The following C18orf63 variants were observed in gnomAD, a reference collection of about 807,000 sequenced individuals.
C18orf63 encodes the protein chromosome 18 open reading frame 63, also known as uncharacterized protein C18orf63.
A neutral mutation model predicts 75.3 loss-of-function variants in C18orf63; 50 were observed. That is an observed-to-expected ratio of 0.66 (90% CI 0.53 to 0.84). C18orf63 has a LOEUF of 0.84. Ranked by LOEUF, C18orf63 falls within the 40% of genes least tolerant of loss-of-function variation. The pLI is 0.00. For missense variants in C18orf63, 732 were observed against 800.2 expected (o/e 0.91, Z 1.03); for synonymous variants, 232 against 267.6 (o/e 0.87, Z 1.30).
Position 74,318,018 on chromosome 18 carries a change from T to C in C18orf63, c.134+19T>C, listed in dbSNP as rs1177723363. 1 of 1,436,214 alleles carries C rather than the reference T, an allele frequency of 7.0e-7. No individual in the cohort carries two copies. The highest frequency in any genetic ancestry group is 9.2e-7 in the Non-Finnish European group (1 of 1,091,112). The allele number at this position is 1,436,214 out of a possible 1,614,324, so 89.0% of individuals were successfully genotyped here. On this transcript the variant is annotated intron_variant, in intron 2 of 13. Coordinates refer to ENST00000579455, the MANE Select transcript of C18orf63 (RefSeq NM_001174123.2). ...TGTGCAGGTAAAAAAATACATCTTA[T>C]AACTAAGACTTTTAAAACTTTGAGA... is the stretch of plus-strand genomic sequence containing the variant.
Position 74,354,036 on chromosome 18 carries a change from T to G in C18orf63, c.1769T>G (p.Leu590Arg), listed in dbSNP as rs1378639974. Reference sequence around the variant, plus strand: ...GGGAAAAGCCATGGGTCACTAAAACTGAAAAGACAGCCACACATTTTTGAA... The same window carrying G: ...GGGAAAAGCCATGGGTCACTAAAACGGAAAAGACAGCCACACATTTTTGAA... ...ILGKSHGSLK[L>R]KRQPHIFESD... Residue 590 changes from leucine (L) to arginine (R), a missense_variant, in exon 12 of 14, where the codon CTG (leucine) becomes CGG (arginine). Coordinates refer to ENST00000579455, the MANE Select transcript of C18orf63 (RefSeq NM_001174123.2). The G allele has an allele frequency of 3.3e-6, 5 of 1,536,318 alleles. No individual in the cohort carries two copies. In the Admixed American group the frequency reaches 9.8e-5, roughly 30 times the overall value.
chr18:74,336,856 C>A (rs1984399980), intron 7 of C18orf63, among the ~76,000 whole-genome samples: 1 of 152,046 alleles, frequency 6.6e-6, no homozygotes, highest in South Asian at 2.1e-4. Context: ...TTATCCTTGG[C>A]TTTCCCTCTT....
chr18:74,329,085 T>C, intron 6 of C18orf63, 49 bp downstream of exon 6: 1 of 1,215,220 alleles, frequency 8.2e-7, no homozygotes, highest in Non-Finnish European at 1.2e-6. Flanking sequence ...AATTCATAGT[T>C]GCTAAAGAAA....
intron 5 of C18orf63, among the ~76,000 whole-genome samples, chr18:74,328,569 T>A (rs1005354041): frequency 7.2e-5 from 11 of 152,294 alleles, no homozygotes; most frequent in Middle Eastern, 3.4e-3. Flanking sequence ...CACAACAACA[T>A]AAATGTCATT....
chr18:74,336,564 G>A (rs1984395289), intron 7 of C18orf63, among the ~76,000 whole-genome samples: 1 of 151,750 alleles, frequency 6.6e-6, no homozygotes. Context: ...TGTTTCTTAG[G>A]GTTCCATTTT....
intron 2 of C18orf63, among the ~76,000 whole-genome samples, chr18:74,318,791 G>A (rs2042060): frequency 0.98 from 145,395 of 148,886 alleles, 70,952 homozygotes; most frequent in South Asian, 1. Flanking sequence ...CTCTGTCTCA[G>A]AAAAAAAAAA....
At chr18:74,348,870 G>A (rs1198145663) in intron 11 of C18orf63, among the ~76,000 whole-genome samples, 6 of 152,078 alleles carry the variant, frequency 3.9e-5, no homozygotes, top group Non-Finnish European at 8.8e-5. Flanking sequence ...CTTAAACGTT[G>A]AAAGAATGAG....
intron 11 of C18orf63, among the ~76,000 whole-genome samples, chr18:74,344,331 A>T (rs1346436929): frequency 3.9e-5 from 6 of 152,108 alleles, no homozygotes; most frequent in Admixed American, 3.9e-4. Context: ...GAGGCTGGAA[A>T]CTATTGGGGA....
Position 74,328,044 on chromosome 18 carries a change from A to G in C18orf63, c.368A>G (p.His123Arg). The G allele has an allele frequency of 6.6e-7, 1 of 1,525,988 alleles. No homozygotes were observed. The allele number at this position is 1,525,988 out of a possible 1,614,324, so 94.5% of individuals were successfully genotyped here. A position where few individuals can be genotyped will look rare whatever the true frequency, so the allele number is the denominator to read the frequency against. Residue 123 changes from histidine (H) to arginine (R), a missense_variant, in exon 5 of 14, where the codon CAT (histidine) becomes CGT (arginine). By Grantham distance (29) the His-to-Arg change is conservative. Coordinates refer to ENST00000579455, the MANE Select transcript of C18orf63 (RefSeq NM_001174123.2). ...GCTCCAGCCTGGAATAGAACTGGTC[A>G]TCTCTTGATACAAGGTAACTTTATC... ...RLAPAWNRTG[H>R]LLIQGRDFLS...
chr18:74,321,841 AGTTGATGTTT>A (rs1984128783), intron 3 of C18orf63, among the ~76,000 whole-genome samples: 1 of 151,916 alleles, frequency 6.6e-6, no homozygotes, highest in African/African-American at 2.4e-5. Context: ...AAAAAAAAAA[AGTTGATGTTT>A]AAAAGTAGAA....
Position 74,353,425 on chromosome 18 carries a change from T to C in C18orf63, c.1158T>C (p.His386=). Residue 386 remains histidine (H), a synonymous_variant, in exon 12 of 14, where the codon CAT becomes CAC. Coordinates refer to ENST00000579455, the MANE Select transcript of C18orf63 (RefSeq NM_001174123.2). ...QPTSGIFSAL[H]LQPESVQGRK... ...CATCAGGCATTTTCTCAGCTTTGCA[T>C]CTCCAGCCAGAGTCTGTTCAGGGTA... 1 of 1,536,372 alleles carries C rather than the reference T, an allele frequency of 6.5e-7. No individual in the cohort carries two copies.
chr18:74,329,733 G>C lies in C18orf63; in HGVS notation c.424+697G>C, dbSNP rs181300454. Among the ~76,000 whole-genome samples the C allele has an allele frequency of 1.7e-3, 256 of 151,966 alleles. 2 individuals are homozygous for C. Among genetic ancestry groups the C allele is most frequent in the African/African-American group, 6.0e-3 (249 of 41,438 alleles). On this transcript the variant is annotated intron_variant, in intron 6 of 13. Coordinates refer to ENST00000579455, the MANE Select transcript of C18orf63 (RefSeq NM_001174123.2). ...GATTCATTTTCTCCTTAAAAAATTG[G>C]AAAAAGAGACACAGATGATCTAAAG...
At chr18:74,331,841 T>C (rs2145120879) in intron 7 of C18orf63, among the ~76,000 whole-genome samples, 1 of 152,352 alleles carries the variant, frequency 6.6e-6, no homozygotes, top group East Asian at 1.9e-4. Context: ...TTCATTTATT[T>C]CCATTTAATT....
At chr18:74,356,156 G>C (rs1984760955) in intron 13 of C18orf63, among the ~76,000 whole-genome samples, 1 of 152,146 alleles carries the variant, frequency 6.6e-6, no homozygotes, top group African/African-American at 2.4e-5. Context: ...TGGGGTACAA[G>C]TGCAACTTTG....
chr18:74,354,008 T>C lies in C18orf63; in HGVS notation c.1741T>C (p.Leu581=). ...NLTGKGITQI[L]GKSHGSLKLK... ...AACAGGCAAAGGTATAACACAAATT[T>C]TAGGGAAAAGCCATGGGTCACTAAA... Residue 581 remains leucine (L), a synonymous_variant, in exon 12 of 14, where the codon TTA becomes CTA. Coordinates refer to ENST00000579455, the MANE Select transcript of C18orf63 (RefSeq NM_001174123.2). The C allele has an allele frequency of 6.5e-7, 1 of 1,536,414 alleles. No homozygotes were observed. Among genetic ancestry groups the C allele is most frequent in the Non-Finnish European group, 8.7e-7 (1 of 1,146,970 alleles).
chr18:74,335,035 C>T (rs1482383792), intron 7 of C18orf63, among the ~76,000 whole-genome samples: 2 of 152,160 alleles, frequency 1.3e-5, no homozygotes, highest in Admixed American at 6.5e-5. Context: ...TCCTAAGTCT[C>T]ATCTCTCTTG....
chr18:74,319,001 T>G (rs2145113144), intron 2 of C18orf63, among the ~76,000 whole-genome samples: 1 of 152,226 alleles, frequency 6.6e-6, no homozygotes, highest in South Asian at 2.1e-4. Flanking sequence ...ACTTTTGGGG[T>G]GTCCTTCATT....
chr18:74,353,598 T>TA lies in C18orf63; in HGVS notation c.1332dup (p.Gln445ThrfsTer18). 9 of 1,536,308 alleles carry TA rather than the reference T, an allele frequency of 5.9e-6. No individual in the cohort carries two copies. The highest frequency in any genetic ancestry group is 7.0e-6 in the Non-Finnish European group (8 of 1,146,916). On this transcript the variant is annotated frameshift_variant, in exon 12 of 14. Coordinates refer to ENST00000579455, the MANE Select transcript of C18orf63 (RefSeq NM_001174123.2). LOFTEE classifies it high-confidence loss of function. Reference sequence around the variant, plus strand: ...GTACCAGTTTTCAAAAATAGATTGTTACAAATGAACAAAAATACCTCAGTA... The same window carrying TA: ...GTACCAGTTTTCAAAAATAGATTGTTAACAAATGAACAAAAATACCTCAGTA...
At chr18:74,324,753 C>T (rs2145116721) in intron 4 of C18orf63, among the ~76,000 whole-genome samples, 1 of 152,320 alleles carries the variant, frequency 6.6e-6, no homozygotes, top group South Asian at 2.1e-4. Context: ...GTGACTTCAT[C>T]AGTACAAGCT....
Sources: gnomAD v4.1 joint callset for allele counts (sites outside exome capture counted in the v4.1 genomes callset) on GRCh38, gnomAD v4.1.1 for gene constraint, MANE v1.5 for transcripts, NCBI Gene and HGNC (gene_info 2026-07-23, HGNC 2026-07-21) for gene names.